Variants in ZNF385D observed in about 807,000 individuals in gnomAD.
ZNF385D encodes the protein zinc finger protein 385D, also known as zinc finger protein 659.
A neutral mutation model predicts 35.8 loss-of-function variants in ZNF385D; 15 were observed. The ratio of observed to expected loss-of-function variants is 0.42; its 90% CI spans 0.28 to 0.64. The LOEUF (loss-of-function observed/expected upper bound fraction) is 0.64. Among genes scored for constraint, ZNF385D ranks in the 30% least tolerant of loss-of-function variants. The pLI, the probability that ZNF385D is intolerant of heterozygous loss-of-function variation, is 0.23. For missense variants in ZNF385D, 474 were observed against 494.6 expected (o/e 0.96, Z 0.39); for synonymous variants, 212 against 186.8 (o/e 1.13, Z -1.10).
chr3:21,708,184 A>G (rs534432181), intron 1 of ZNF385D, among the ~76,000 whole-genome samples: 1 of 152,342 alleles, frequency 6.6e-6, no homozygotes, highest in South Asian at 2.1e-4. Flanking sequence ...GAAAAAAGTA[A>G]AAGGAAATCA....
chr3:21,637,889 C>T (rs567909447), intron 2 of ZNF385D, among the ~76,000 whole-genome samples: 5 of 152,160 alleles, frequency 3.3e-5, no homozygotes, highest in South Asian at 2.1e-4. Flanking sequence ...CTCAACAAAT[C>T]GAAGACCTCT....
chr3:22,231,434 A>G (rs567690516), intron 2 of ZNF385D, among the ~76,000 whole-genome samples: 1 of 152,264 alleles, frequency 6.6e-6, no homozygotes, highest in African/African-American at 2.4e-5. Context: ...TGCCTCGCTC[A>G]AGTTAGTTTA....
intron 4 of ZNF385D, among the ~76,000 whole-genome samples, chr3:21,460,229 G>A (rs1703079838): frequency 6.6e-6 from 1 of 152,042 alleles, no homozygotes; most frequent in South Asian, 2.1e-4. Context: ...ATTGTTTAGT[G>A]TCATATGCCC....
At chr3:22,027,618 C>G (rs568639405) in intron 3 of ZNF385D, among the ~76,000 whole-genome samples, 1 of 152,200 alleles carries the variant, frequency 6.6e-6, no homozygotes, top group Non-Finnish European at 1.5e-5. Context: ...ACCATGCCAC[C>G]TGAACTGCCT....
chr3:21,976,802 C>T (rs922200094), intron 3 of ZNF385D, among the ~76,000 whole-genome samples: 4 of 152,116 alleles, frequency 2.6e-5, no homozygotes, highest in African/African-American at 4.8e-5. Flanking sequence ...AACATCCTGG[C>T]CAACATGGTG....
At chr3:22,235,000 A>T (rs1320280550) in intron 2 of ZNF385D, among the ~76,000 whole-genome samples, 1 of 152,064 alleles carries the variant, frequency 6.6e-6, no homozygotes, top group Non-Finnish European at 1.5e-5. Context: ...CATTATATAT[A>T]CCAAATCTCA....
chr3:22,278,540 T>C (rs553819912), intron 2 of ZNF385D, among the ~76,000 whole-genome samples: 1 of 152,242 alleles, frequency 6.6e-6, no homozygotes, highest in South Asian at 2.1e-4. Context: ...TATACTTTAG[T>C]TAATCCAGTT....
intron 2 of ZNF385D, among the ~76,000 whole-genome samples, chr3:22,361,402 GC>G (rs1309985542): frequency 6.6e-6 from 1 of 151,970 alleles, no homozygotes; most frequent in Non-Finnish European, 1.5e-5. Context: ...CTTATTAATG[GC>G]CCTGACAATT....
At chr3:21,818,947 A>G (rs951877332) in intron 3 of ZNF385D, among the ~76,000 whole-genome samples, 3 of 152,080 alleles carry the variant, frequency 2.0e-5, no homozygotes, top group Admixed American at 6.5e-5. Flanking sequence ...ATAATAACAT[A>G]GCTATTTAAT....
chr3:21,538,752 G>A (rs2062099920), intron 3 of ZNF385D, among the ~76,000 whole-genome samples: 1 of 152,062 alleles, frequency 6.6e-6, no homozygotes, highest in Non-Finnish European at 1.5e-5. Flanking sequence ...AACTGTGGTT[G>A]GGGCATGGAG....
chr3:21,659,068 C>T (rs1287819844), intron 2 of ZNF385D, among the ~76,000 whole-genome samples: 3 of 152,010 alleles, frequency 2.0e-5, no homozygotes, highest in Non-Finnish European at 4.4e-5. Context: ...TTTTCTCCTC[C>T]TCCTCACTAT....
At chr3:22,131,683 C>T (rs1284293772) in intron 3 of ZNF385D, among the ~76,000 whole-genome samples, 1 of 152,088 alleles carries the variant, frequency 6.6e-6, no homozygotes, top group Non-Finnish European at 1.5e-5. Flanking sequence ...GATGGCAGAG[C>T]ATATGACTAC....
At chr3:22,232,378 C>T (rs1025296100) in intron 2 of ZNF385D, among the ~76,000 whole-genome samples, 3 of 150,848 alleles carry the variant, frequency 2.0e-5, no homozygotes, top group Non-Finnish European at 4.4e-5. Flanking sequence ...AGAATGGCTT[C>T]ACGTTCTTTC....
chr3:21,792,921 A>C (rs2071989899), intron 3 of ZNF385D, among the ~76,000 whole-genome samples: 1 of 152,182 alleles, frequency 6.6e-6, no homozygotes, highest in Non-Finnish European at 1.5e-5. Flanking sequence ...TGGGTTGGTC[A>C]CTGACTTTTG....
intron 2 of ZNF385D, among the ~76,000 whole-genome samples, chr3:22,364,904 A>C (rs1245890660): frequency 6.6e-6 from 1 of 152,140 alleles, no homozygotes; most frequent in Non-Finnish European, 1.5e-5. Flanking sequence ...ACACAGTGGA[A>C]TATCATCTAG....
chr3:21,844,246 A>G (rs1445956265), intron 3 of ZNF385D, among the ~76,000 whole-genome samples: 3 of 151,846 alleles, frequency 2.0e-5, no homozygotes, highest in African/African-American at 7.2e-5. Flanking sequence ...TTTTGTTATT[A>G]TTTTTTATTG....
chr3:22,329,031 C>A lies in ZNF385D; in HGVS notation c.106+43419G>T, dbSNP rs1487638605. Among the ~76,000 whole-genome samples, 3 of 145,352 alleles carry A rather than the reference C, an allele frequency of 2.1e-5. No homozygotes were observed. In the South Asian group the frequency reaches 6.6e-4, roughly 32 times the overall value. On this transcript the variant is annotated intron_variant, in intron 2 of 5. Transcript: ENST00000494108. ...GGCGGAGCTTGCAGTGAGCCGAGAT[C>A]GCGCCACTGCACTCCAGCCTGGGCG...
At chr3:22,177,741 A>C (rs2125773088) in intron 2 of ZNF385D, among the ~76,000 whole-genome samples, 1 of 151,850 alleles carries the variant, frequency 6.6e-6, no homozygotes, top group African/African-American at 2.4e-5. Context: ...CTCTCCCCAA[A>C]CCCCACAACA....
chr3:22,165,566 T>G (rs1349403807), intron 3 of ZNF385D, among the ~76,000 whole-genome samples: 1 of 152,230 alleles, frequency 6.6e-6, no homozygotes, highest in Non-Finnish European at 1.5e-5. Flanking sequence ...TAAGAAACTC[T>G]TTATCCTACT....
Sources: gnomAD v4.1 joint callset for allele counts (sites outside exome capture counted in the v4.1 genomes callset) on GRCh38, gnomAD v4.1.1 for gene constraint, MANE v1.5 for transcripts, NCBI Gene and HGNC (gene_info 2026-07-23, HGNC 2026-07-21) for gene names.